Variants in OR4C3 observed in about 807,000 individuals in gnomAD.
The protein encoded by OR4C3 is olfactory receptor 4C3.
For synonymous variants in OR4C3, 186 were observed against 140.1 expected, an observed-to-expected ratio of 1.33 and a Z score of -2.31; for missense variants, 439 against 360.7, an observed-to-expected ratio of 1.22 and a Z score of -1.76.
chr11:48,325,582 C>T lies in OR4C3; in HGVS notation c.561C>T (p.Cys187=). The change falls in exon 1 of 1, where the codon TGC becomes TGT. Residue 187 remains cysteine, a synonymous_variant. Transcript: ENST00000319856. Reference sequence around the variant, plus strand: ...TGTACCCTTTGCTGGAAGTTGCCTGCACCAATACGTATGTCATTGGTCTGC... The same window carrying T: ...TGTACCCTTTGCTGGAAGTTGCCTGTACCAATACGTATGTCATTGGTCTGC... ...CDLYPLLEVA[C]TNTYVIGLLV... is the part of the protein sequence containing the mutation. The T allele has an allele frequency of 6.2e-7, 1 of 1,613,994 alleles. No individual in the cohort carries two copies. The highest frequency in any genetic ancestry group is 8.5e-7 in the Non-Finnish European group (1 of 1,179,952).
At position 48,325,523 on chromosome 11, in the gene OR4C3, G is replaced by A. The variant is rs755633234; in HGVS notation, c.502G>A (p.Gly168Arg). Residue 168 changes from glycine to arginine, a missense_variant, in exon 1 of 1, where the codon GGG (glycine) becomes AGG (arginine). Physicochemically the swap from Gly to Arg is moderately radical, Grantham distance 125 (BLOSUM62 -2). Transcript: ENST00000319856. ...CCTGGTCCTTTGGTTGCCCTTCTGT[G>A]GGCCCAATGTGATCAATCACTTTGC... ...LLLVLWLPFC[G>R]PNVINHFACD... 1 of 1,613,576 alleles carries A rather than the reference G, an allele frequency of 6.2e-7. No individual in the cohort carries two copies. Among genetic ancestry groups the A allele is most frequent in the Non-Finnish European group, 8.5e-7 (1 of 1,179,846 alleles).
Position 48,325,591 on chromosome 11 carries a change from G to C in OR4C3, c.570G>C (p.Thr190=). 6.2e-7 allele frequency: 1 copy of C among 1,613,912 alleles called. No homozygotes were observed. Among genetic ancestry groups the C allele is most frequent in the Non-Finnish European group, 8.5e-7 (1 of 1,179,878 alleles). ...YPLLEVACTN[T]YVIGLLVVAN... is the part of the protein sequence containing the mutation. The stretch of plus-strand genomic sequence containing the variant: ...TGCTGGAAGTTGCCTGCACCAATAC[G>C]TATGTCATTGGTCTGCTGGTGGTTG... Residue 190 remains threonine (T), a synonymous_variant, in exon 1 of 1, where the codon ACG becomes ACC. Coordinates refer to ENST00000319856, the MANE Select transcript of OR4C3 (RefSeq NM_001004702.2).
Position 48,325,392 on chromosome 11 carries a change from T to A in OR4C3, c.371T>A (p.Ile124Asn), listed in dbSNP as rs1852202884. The change falls in exon 1 of 1, where the codon ATC (isoleucine) becomes AAC (asparagine). Residue 124 changes from isoleucine to asparagine, a missense_variant. Physicochemically the swap from Ile to Asn is moderately radical, Grantham distance 149. Transcript: ENST00000319856. Reference protein sequence around the residue: ...TVMAYDRYVAICKPLHNTTIM... With the variant: ...TVMAYDRYVANCKPLHNTTIM... The stretch of plus-strand genomic sequence containing the variant: ...ATGGCTTATGACCGCTATGTGGCCA[T>A]CTGTAAGCCCCTGCACAATACTACC... The A allele has an allele frequency of 6.2e-7, 1 of 1,613,972 alleles. No individual in the cohort carries two copies. The highest frequency in any genetic ancestry group is 1.3e-5 in the African/African-American group (1 of 74,904).
At position 48,325,510 on chromosome 11, in the gene OR4C3, G is replaced by A. The variant is rs769860781; in HGVS notation, c.489G>A (p.Trp163Ter). ...TGGTTCAGCTCCTCCTGGTCCTTTG[G>A]TTGCCCTTCTGTGGGCCCAATGTGA... Reference protein sequence around the residue: ...HSLVQLLLVLWLPFCGPNVIN... With the variant: ...HSLVQLLLVL Residue 163 changes from tryptophan (W) to a stop codon, truncating the protein, a stop_gained, in exon 1 of 1, where the codon TGG becomes TGA. Transcript: ENST00000319856. LOFTEE classifies it low-confidence loss of function (END_TRUNC). The A allele has an allele frequency of 6.2e-7, 1 of 1,613,694 alleles. No individual in the cohort carries two copies. Among genetic ancestry groups the A allele is most frequent in the African/African-American group, 1.3e-5 (1 of 74,892 alleles).
rs1365368087 is a variant in OR4C3, at chr11:48,325,099, T to C, written c.78T>C (p.Phe26=). Residue 26 remains phenylalanine (F), a synonymous_variant, in exon 1 of 1, where the codon TTT becomes TTC. Transcript: ENST00000319856. The part of the protein sequence containing the change: ...SQNSEVQRVL[F]VVFLLIYVVT... Reference sequence around the variant, plus strand: ...ACTCAGAGGTACAGAGAGTTCTCTTTGTGGTCTTTTTGCTGATCTATGTGG... The same window carrying C: ...ACTCAGAGGTACAGAGAGTTCTCTTCGTGGTCTTTTTGCTGATCTATGTGG... 2 of 1,614,076 alleles carry C rather than the reference T, an allele frequency of 1.2e-6. No individual in the cohort carries two copies. The highest frequency in any genetic ancestry group is 2.2e-5 in the East Asian group (1 of 44,898).
Position 48,325,548 on chromosome 11 carries a change from C to A in OR4C3, c.527C>A (p.Ala176Asp). 6.2e-7 allele frequency: 1 copy of A among 1,613,676 alleles called. No individual in the cohort carries two copies. The highest frequency in any genetic ancestry group is 8.5e-7 in the Non-Finnish European group (1 of 1,179,808). The change falls in exon 1 of 1, where the codon GCC becomes GAC. Residue 176 changes from alanine to aspartate, a missense_variant. By Grantham distance (126) the Ala-to-Asp change is moderately radical (BLOSUM62 -2). Transcript: ENST00000319856. ...FCGPNVINHF[A>D]CDLYPLLEVA... ...GGGCCCAATGTGATCAATCACTTTG[C>A]CTGTGACTTGTACCCTTTGCTGGAA... is the stretch of plus-strand genomic sequence containing the variant.
At position 48,325,633 on chromosome 11, in the gene OR4C3, C is replaced by A. The variant is rs762955826; in HGVS notation, c.612C>A (p.Ile204=). Residue 204 remains isoleucine (I), a synonymous_variant, in exon 1 of 1, where the codon ATC becomes ATA. Coordinates refer to ENST00000319856, the MANE Select transcript of OR4C3 (RefSeq NM_001004702.2). ...TGGTGGTTGCCAACAGTGGTTTAAT[C>A]TGCCTGTTGAACTTCCTCATGCTGG... ...GLLVVANSGL[I]CLLNFLMLAA... is the part of the protein sequence containing the mutation. 1 of 1,614,048 alleles carries A rather than the reference C, an allele frequency of 6.2e-7. No individual in the cohort carries two copies. The highest frequency in any genetic ancestry group is 8.5e-7 in the Non-Finnish European group (1 of 1,179,934).
In OR4C3 at chr11:48,325,494, T is replaced by A. The variant is rs751864730; in HGVS notation, c.473T>A (p.Leu158His). 1.2e-6 allele frequency: 2 copies of A among 1,613,800 alleles called. No individual in the cohort carries two copies. The highest frequency in any genetic ancestry group is 1.3e-5 in the African/African-American group (1 of 75,044). ...GGCTTCCTGCATTCATTGGTTCAGC[T>A]CCTCCTGGTCCTTTGGTTGCCCTTC... The part of the protein sequence containing the change: ...LGGFLHSLVQ[L>H]LLVLWLPFCG... The change falls in exon 1 of 1, where the codon CTC (leucine) becomes CAC (histidine). Residue 158 changes from leucine (L) to histidine (H), a missense_variant. Transcript: ENST00000319856.
Position 48,325,425 on chromosome 11 carries a change from C to G in OR4C3, c.404C>G (p.Thr135Ser), listed in dbSNP as rs779637656. The change falls in exon 1 of 1, where the codon ACC becomes AGC. Residue 135 changes from threonine to serine, a missense_variant. Physicochemically the swap from Thr to Ser is moderately conservative, Grantham distance 58. Transcript: ENST00000319856. ...CCCCTGCACAATACTACCATCATGA[C>G]CAGGCATCTCTGTGCCATGCTTGTA... ...CKPLHNTTIMTRHLCAMLVGV... is the reference protein window; with the variant it reads ...CKPLHNTTIMSRHLCAMLVGV... The G allele has an allele frequency of 6.2e-7, 1 of 1,613,732 alleles. No individual in the cohort carries two copies. The highest frequency in any genetic ancestry group is 8.5e-7 in the Non-Finnish European group (1 of 1,179,830).
At position 48,325,010 on chromosome 11, in the gene OR4C3, A is replaced by C; in HGVS notation, c.-12A>C. On this transcript the variant is annotated 5_prime_UTR_variant, in exon 1 of 1. Transcript: ENST00000319856. ...CAATACTGCACCTGCATTCTCAGTG[A>C]CCTTGGAATCTATGGACATACCACA... is the stretch of plus-strand genomic sequence containing the variant. 1 of 1,613,732 alleles carries C rather than the reference A, an allele frequency of 6.2e-7. No individual in the cohort carries two copies. Among genetic ancestry groups the C allele is most frequent in the Non-Finnish European group, 8.5e-7 (1 of 1,179,748 alleles).
Position 48,325,895 on chromosome 11 carries a change from G to A in OR4C3, c.874G>A (p.Val292Ile). 1 of 1,510,464 alleles carries A rather than the reference G, an allele frequency of 6.6e-7. No individual in the cohort carries two copies. The highest frequency in any genetic ancestry group is 8.8e-7 in the Non-Finnish European group (1 of 1,132,476). 93.6% of individuals were successfully genotyped at this position (1,510,464 alleles called of 1,614,324 possible). A position where few individuals can be genotyped will look rare whatever the true frequency, so the allele number is the denominator to read the frequency against. ...PLIYTLRNEE[V>I]KNAMRKLFTW Reference sequence around the variant, plus strand: ...CATTTATACCCTGAGAAATGAAGAGGTAAAAAATGCCATGAGAAAGCTCTT... The same window carrying A: ...CATTTATACCCTGAGAAATGAAGAGATAAAAAATGCCATGAGAAAGCTCTT... Residue 292 changes from valine to isoleucine, a missense_variant, in exon 1 of 1, where the codon GTA becomes ATA. Physicochemically the swap from Val to Ile is conservative, Grantham distance 29. Coordinates refer to ENST00000319856, the MANE Select transcript of OR4C3 (RefSeq NM_001004702.2).
Position 48,325,811 on chromosome 11 carries a change from C to T in OR4C3, c.790C>T (p.Pro264Ser), listed in dbSNP as rs77814753. ...FTYVHPFSTL[P>S]IDKNMALFYG... is the part of the protein sequence containing the mutation. Reference sequence around the variant, plus strand: ...TTATGTGCATCCATTTTCTACTTTACCTATAGACAAAAATATGGCATTATT... The same window carrying T: ...TTATGTGCATCCATTTTCTACTTTATCTATAGACAAAAATATGGCATTATT... Residue 264 changes from proline to serine, a missense_variant, in exon 1 of 1, where the codon CCT becomes TCT. By Grantham distance (74) the Pro-to-Ser change is moderately conservative. Coordinates refer to ENST00000319856, the MANE Select transcript of OR4C3 (RefSeq NM_001004702.2). 1 of 1,609,180 alleles carries T rather than the reference C, an allele frequency of 6.2e-7. No homozygotes were observed.
rs763375316 is a variant in OR4C3, at chr11:48,325,487, G to T, written c.466G>T (p.Val156Phe). ...GCTTGGGGGCTTCCTGCATTCATTG[G>T]TTCAGCTCCTCCTGGTCCTTTGGTT... ...AWLGGFLHSL[V>F]QLLLVLWLPF... Residue 156 changes from valine to phenylalanine, a missense_variant, in exon 1 of 1, where the codon GTT becomes TTT. Transcript: ENST00000319856. The T allele has an allele frequency of 1.2e-6, 2 of 1,613,690 alleles. No individual in the cohort carries two copies. The highest frequency in any genetic ancestry group is 1.7e-6 in the Non-Finnish European group (2 of 1,179,848).
Position 48,325,294 on chromosome 11 carries a change from T to A in OR4C3, c.273T>A (p.Ser91=). Reference sequence around the variant, plus strand: ...CATTGTATGAGGGGAGAACCATCTCTTATGAGTGCTGCATGGCTCAGCTCT... The same window carrying A: ...CATTGTATGAGGGGAGAACCATCTCATATGAGTGCTGCATGGCTCAGCTCT... ...ADSLYEGRTI[S]YECCMAQLFG... is the part of the protein sequence containing the mutation. Residue 91 remains serine (S), a synonymous_variant, in exon 1 of 1, where the codon TCT becomes TCA. Coordinates refer to ENST00000319856, the MANE Select transcript of OR4C3 (RefSeq NM_001004702.2). 6.2e-7 allele frequency: 1 copy of A among 1,614,230 alleles called. No homozygotes were observed. The highest frequency in any genetic ancestry group is 8.5e-7 in the Non-Finnish European group (1 of 1,180,026).
rs1288959056 is a variant in OR4C3 at position 48,325,250 on chromosome 11, C to A, written c.229C>A (p.Pro77Thr). The A allele has an allele frequency of 3.1e-6, 5 of 1,614,030 alleles. No individual in the cohort carries two copies. Among genetic ancestry groups the A allele is most frequent in the African/African-American group, 1.3e-5 (1 of 74,902 alleles). Residue 77 changes from proline to threonine, a missense_variant, in exon 1 of 1, where the codon CCT (proline) becomes ACT (threonine). Pro to Thr is a conservative substitution (Grantham distance 38, BLOSUM62 -1). Transcript: ENST00000319856. ...CACCTTTTATTCTTCTTCTATGGCT[C>A]CTAAACTCATTGCTGACTCATTGTA... ...IDTFYSSSMA[P>T]KLIADSLYEG...
At position 48,325,864 on chromosome 11, in the gene OR4C3, T is replaced by C; in HGVS notation, c.843T>C (p.Asn281=). 1 of 1,571,432 alleles carries C rather than the reference T, an allele frequency of 6.4e-7. No individual in the cohort carries two copies. Among genetic ancestry groups the C allele is most frequent in the Non-Finnish European group, 8.6e-7 (1 of 1,161,962 alleles). Residue 281 remains asparagine, a synonymous_variant, in exon 1 of 1, where the codon AAT becomes AAC. Transcript: ENST00000319856. ...ATGGTATTCTGACACCTATGTTGAA[T>C]CCACTCATTTATACCCTGAGAAATG... The part of the protein sequence containing the change: ...LFYGILTPML[N]PLIYTLRNEE...
rs748388856 is a variant in OR4C3, at chr11:48,325,563, C to G, written c.542C>G (p.Pro181Arg). ...VINHFACDLY[P>R]LLEVACTNTY... ...AATCACTTTGCCTGTGACTTGTACC[C>G]TTTGCTGGAAGTTGCCTGCACCAAT... is the stretch of plus-strand genomic sequence containing the variant. The change falls in exon 1 of 1, where the codon CCT (proline) becomes CGT (arginine). Residue 181 changes from proline to arginine, a missense_variant. By Grantham distance (103) the Pro-to-Arg change is moderately radical. Coordinates refer to ENST00000319856, the MANE Select transcript of OR4C3 (RefSeq NM_001004702.2). 4 of 1,613,892 alleles carry G rather than the reference C, an allele frequency of 2.5e-6. No individual in the cohort carries two copies. The highest frequency in any genetic ancestry group is 1.7e-5 in the Admixed American group (1 of 60,000).
Position 48,325,354 on chromosome 11 carries a change from T to C in OR4C3, c.333T>C (p.Ile111=). The C allele has an allele frequency of 3.1e-6, 5 of 1,614,152 alleles. No individual in the cohort carries two copies. The South Asian group carries it at 5.5e-5, about 18-fold the overall frequency. Residue 111 remains isoleucine, a synonymous_variant, in exon 1 of 1, where the codon ATT becomes ATC. Transcript: ENST00000319856. ...GAHFLGGVEI[I]LLTVMAYDRY... is the part of the protein sequence containing the mutation. ...ATTTTTTGGGAGGTGTTGAGATCAT[T>C]CTGCTCACAGTGATGGCTTATGACC...
chr11:48,324,955 ATTAC>A lies in OR4C3; in HGVS notation c.-63_-60del. On this transcript the variant is annotated 5_prime_UTR_variant, in exon 1 of 1. It adds an upstream start codon to the 5' untranslated region. Transcript: ENST00000319856. Reference sequence around the variant, plus strand: ...GTTTTTCCCCCATGCAATTAGTTCTATTACTTATGTTTCTCCTTGTCTTTATAGG... The same window carrying A: ...GTTTTTCCCCCATGCAATTAGTTCTATTATGTTTCTCCTTGTCTTTATAGG... The A allele has an allele frequency of 1.3e-6, 2 of 1,599,176 alleles. No individual in the cohort carries two copies. The highest frequency in any genetic ancestry group is 1.1e-5 in the South Asian group (1 of 87,740).
Sources: gnomAD v4.1 joint callset for allele counts on GRCh38, gnomAD v4.1.1 for gene constraint, MANE v1.5 for transcripts, NCBI Gene and HGNC (gene_info 2026-07-23, HGNC 2026-07-21) for gene names.